Variants in ADAMTS12 observed in about 807,000 individuals in gnomAD.
ADAMTS12 encodes A disintegrin and metalloproteinase with thrombospondin motifs 12.
A neutral mutation model predicts 167.8 loss-of-function variants in ADAMTS12; 118 were observed. The ratio of observed to expected loss-of-function variants is 0.70; its 90% CI spans 0.61 to 0.82. ADAMTS12 has a LOEUF of 0.82. ADAMTS12 is among the 40% of genes least tolerant of loss of function. ADAMTS12 has a pLI of 0.00. For missense variants in ADAMTS12, 1,916 were observed against 1,998.8 expected, an observed-to-expected ratio of 0.96 and a Z score of 0.79; for synonymous variants, 704 against 716.9, an observed-to-expected ratio of 0.98 and a Z score of 0.29.
In ADAMTS12 at chr5:33,736,651, C is replaced by G. The variant is rs536422971; in HGVS notation, c.634+14753G>C. Among the ~76,000 whole-genome samples the G allele has an allele frequency of 2.0e-5, 3 of 152,320 alleles. 1 individual carries two copies. Among genetic ancestry groups the G allele is most frequent in the African/African-American group, 7.2e-5 (3 of 41,562 alleles). ...TGGAGAAGACATTCCAATAATGATG[C>G]CTGACCACTGTCGGGTTTTTCAATA... On this transcript the variant is annotated intron_variant, in intron 3 of 23. Transcript: ENST00000504830.
At chr5:33,530,658 T>G (rs1561103332) in intron 23 of ADAMTS12, among the ~76,000 whole-genome samples, 2 of 152,264 alleles carry the variant, frequency 1.3e-5, no homozygotes, top group East Asian at 1.9e-4. Context: ...CCACAAAGCT[T>G]CTTCTGGCAG....
intron 3 of ADAMTS12, among the ~76,000 whole-genome samples, chr5:33,729,307 CA>C (rs1344482939): frequency 6.6e-6 from 1 of 152,094 alleles, no homozygotes; most frequent in East Asian, 1.9e-4. Flanking sequence ...GGAAGTCATG[CA>C]AAGAAAATAT....
At chr5:33,623,392 A>G (rs1472301713) in intron 14 of ADAMTS12, among the ~76,000 whole-genome samples, 1 of 152,180 alleles carries the variant, frequency 6.6e-6, no homozygotes, top group Non-Finnish European at 1.5e-5. Flanking sequence ...TATTATCTCA[A>G]TTCCTTCACC....
intron 2 of ADAMTS12, among the ~76,000 whole-genome samples, chr5:33,813,526 G>C (rs1157576683): frequency 1.3e-5 from 2 of 152,164 alleles, no homozygotes; most frequent in African/African-American, 4.8e-5. Flanking sequence ...CTAAGCCATT[G>C]ACTACTTTGA....
chr5:33,855,885 C>T (rs1170775199), intron 2 of ADAMTS12, among the ~76,000 whole-genome samples: 1 of 152,114 alleles, frequency 6.6e-6, no homozygotes, highest in Admixed American at 6.6e-5. Context: ...CGCCACCACA[C>T]CCAGCTATTT....
At chr5:33,858,876 G>A (rs1382291309) in intron 2 of ADAMTS12, among the ~76,000 whole-genome samples, 1 of 151,848 alleles carries the variant, frequency 6.6e-6, no homozygotes, top group Admixed American at 6.6e-5. Context: ...GAAGCAGGAT[G>A]GGGTGTCACC....
At chr5:33,728,385 T>C (rs1744062796) in intron 3 of ADAMTS12, among the ~76,000 whole-genome samples, 1 of 152,222 alleles carries the variant, frequency 6.6e-6, no homozygotes, top group East Asian at 1.9e-4. Context: ...AGGACACTGT[T>C]GGCTGTGGGA....
intron 3 of ADAMTS12, among the ~76,000 whole-genome samples, chr5:33,703,531 A>G (rs114274864): frequency 6.6e-6 from 1 of 151,984 alleles, no homozygotes; most frequent in Non-Finnish European, 1.5e-5. Context: ...GAAACTTTGC[A>G]CTCTTTGACT....
chr5:33,755,743 T>C (rs1745144850), intron 2 of ADAMTS12, among the ~76,000 whole-genome samples: 1 of 152,224 alleles, frequency 6.6e-6, no homozygotes, highest in South Asian at 2.1e-4. Context: ...ACTTGTGTGA[T>C]GGAACTGTGC....
At chr5:33,687,100 T>A (rs1262271235) in intron 3 of ADAMTS12, among the ~76,000 whole-genome samples, 4 of 151,322 alleles carry the variant, frequency 2.6e-5, no homozygotes, top group East Asian at 2.0e-4. Context: ...TTTTTTTTTT[T>A]AAAGACATCT....
At chr5:33,663,087 C>A (rs76572307) in intron 5 of ADAMTS12, among the ~76,000 whole-genome samples, 1 of 152,244 alleles carries the variant, frequency 6.6e-6, no homozygotes, top group African/African-American at 2.4e-5. Context: ...TAGGTCTCCT[C>A]GTCATAAGTA....
At chr5:33,575,201 G>GA (rs966312059) in intron 19 of ADAMTS12, among the ~76,000 whole-genome samples, 11 of 151,718 alleles carry the variant, frequency 7.3e-5, no homozygotes, top group Admixed American at 1.3e-4. Flanking sequence ...AAAAAGAAAA[G>GA]AAAAAAAATC....
At chr5:33,644,738 CTT>C (rs33961870) in intron 9 of ADAMTS12, among the ~76,000 whole-genome samples, 3,115 of 146,918 alleles carry the variant, frequency 0.021, 42 homozygotes, top group Non-Finnish European at 0.033. Context: ...TGAAGGGTGG[CTT>C]TTTTTTTTTT....
intron 3 of ADAMTS12, among the ~76,000 whole-genome samples, chr5:33,711,151 TACACAGAACTC>T (rs1743389318): frequency 6.6e-6 from 1 of 152,106 alleles, no homozygotes; most frequent in African/African-American, 2.4e-5. Flanking sequence ...CAATGCCTTT[TACACAGAACTC>T]ACAACCCAGA....
At chr5:33,711,723 A>C (rs536446188) in intron 3 of ADAMTS12, among the ~76,000 whole-genome samples, 1 of 152,298 alleles carries the variant, frequency 6.6e-6, no homozygotes, top group South Asian at 2.1e-4. Flanking sequence ...GTCTAGAGTT[A>C]GAATTGTCAA....
intron 3 of ADAMTS12, among the ~76,000 whole-genome samples, chr5:33,743,718 ACCAT>A (rs570960759): frequency 7.9e-5 from 12 of 151,862 alleles, no homozygotes; most frequent in Non-Finnish European, 1.3e-4. Context: ...CATCCATCCA[ACCAT>A]CCATCCATCC....
At chr5:33,574,348 A>C (rs1450372501) in intron 19 of ADAMTS12, among the ~76,000 whole-genome samples, 1 of 152,102 alleles carries the variant, frequency 6.6e-6, no homozygotes, top group Non-Finnish European at 1.5e-5. Flanking sequence ...GAACCAACCC[A>C]AATGTCCAAC....
intron 3 of ADAMTS12, among the ~76,000 whole-genome samples, chr5:33,725,851 C>T (rs10066561): frequency 2.0e-5 from 3 of 152,102 alleles, no homozygotes; most frequent in Non-Finnish European, 2.9e-5. Context: ...CCACTCAAGG[C>T]TGATTAAACC....
intron 3 of ADAMTS12, among the ~76,000 whole-genome samples, chr5:33,740,976 C>G (rs191942695): frequency 2.0e-5 from 3 of 152,206 alleles, no homozygotes; most frequent in Admixed American, 2.0e-4. Context: ...AATTTCAAGA[C>G]GCTACCTCAA....
Sources: allele counts gnomAD v4.1 joint callset (sites outside exome capture counted in the v4.1 genomes callset), GRCh38; gene constraint gnomAD v4.1.1; transcripts MANE v1.5; gene names NCBI Gene and HGNC (gene_info 2026-07-23, HGNC 2026-07-21).